The following HSPG2 variants were observed in gnomAD, a reference collection of about 807,000 sequenced individuals.
The protein encoded by HSPG2 is basement membrane-specific heparan sulfate proteoglycan core protein.
In HSPG2, 278 loss-of-function variants were observed where a neutral mutation model predicts 526.6. The observed-to-expected ratio is 0.53, with a 90% CI of 0.48 to 0.58. The LOEUF is 0.58. HSPG2 is among the 20% of genes least tolerant of loss of function. HSPG2 has a pLI of 0.00. For synonymous variants in HSPG2, 2,465 were observed against 2,555.4 expected (o/e 0.96, Z 1.07); for missense variants, 5,354 against 6,099.5 (o/e 0.88, Z 4.07).
At chr1:21,838,750 G>C in intron 74 of HSPG2, 75 bp downstream of exon 74, 10 of 1,512,398 alleles carry the variant, frequency 6.6e-6, no homozygotes, top group Non-Finnish European at 8.2e-6. Context: ...CTTCCCACCC[G>C]AGTCTGCCTA....
intron 6 of HSPG2, 133 bp downstream of exon 6, chr1:21,889,848 G>T: frequency 1.1e-6 from 1 of 902,338 alleles, no homozygotes; most frequent in Non-Finnish European, 1.9e-6. Context: ...AAGATCGATG[G>T]GGCAGACTCA....
intron 1 of HSPG2, among the ~76,000 whole-genome samples, chr1:21,911,214 C>A (rs1643653477): frequency 6.6e-6 from 1 of 152,216 alleles, no homozygotes; most frequent in South Asian, 2.1e-4. Flanking sequence ...CCACACTAGC[C>A]CCAGCCCCTC....
chr1:21,824,891 G>A lies in HSPG2; in HGVS notation c.12590-112C>T. ...AACATGCAGGACTAGGGGGCTCCGA[G>A]CCTGCAGTCCCTGGGGACCCACGGG... On this transcript the variant is annotated intron_variant, in intron 91 of 96. Transcript: ENST00000374695. The surrounding 1 kb of genome is among the most constrained non-coding windows in gnomAD (Gnocchi z 5.9). 1.0e-6 allele frequency: 1 copy of A among 1,000,622 alleles called. No homozygotes were observed. The highest frequency in any genetic ancestry group is 1.5e-6 in the Non-Finnish European group (1 of 647,714). The allele number at this position is 1,000,622 out of a possible 1,614,324, so 62.0% of individuals were successfully genotyped here.
At position 21,865,894 on chromosome 1, in the gene HSPG2, G is replaced by A. The variant is rs890762751; in HGVS notation, c.4222-85C>T. On this transcript the variant is annotated intron_variant, in intron 33 of 96. Coordinates refer to ENST00000374695, the MANE Select transcript of HSPG2 (RefSeq NM_005529.7). This position sits in a 1 kb window ranked among gnomAD's most constrained non-coding sequence, Gnocchi z 5.4. ...ATAGGTGAGGGATGGAGCATCTGGC[G>A]GCCTTTTTGCACCTGTGCCACACTC... The A allele has an allele frequency of 2.1e-5, 23 of 1,086,130 alleles. No individual in the cohort carries two copies. In the Admixed American group the frequency reaches 2.4e-4, roughly 11 times the overall value. 67.3% of individuals were successfully genotyped at this position (1,086,130 alleles called of 1,614,324 possible). A position where few individuals can be genotyped will look rare whatever the true frequency, so the allele number is the denominator to read the frequency against.
Position 21,847,388 on chromosome 1 carries a change from G to T in HSPG2, c.8130C>A (p.Val2710=). 1 of 1,614,004 alleles carries T rather than the reference G, an allele frequency of 6.2e-7. No individual in the cohort carries two copies. Among genetic ancestry groups the T allele is most frequent in the Non-Finnish European group, 8.5e-7 (1 of 1,180,038 alleles). ...NNIDALEASI[V]ISVSPSAGSP... is the part of the protein sequence containing the mutation. ...TGCCGGCGCTAGGGGAGACGGAGATGACGATGGAGGCCTCCAGGGCATCGA... is the reference window on the plus strand; with the variant it reads ...TGCCGGCGCTAGGGGAGACGGAGATTACGATGGAGGCCTCCAGGGCATCGA... The change falls in exon 62 of 97, where the codon GTC becomes GTA. Residue 2710 remains valine, a synonymous_variant. Transcript: ENST00000374695. The surrounding 1 kb of genome is among the most constrained non-coding windows in gnomAD (Gnocchi z 4.1).
rs1250369492 is a variant in HSPG2, at chr1:21,859,552, G to C, written c.5293+14C>G. The C allele has an allele frequency of 6.4e-7, 1 of 1,560,184 alleles. No homozygotes were observed. Among genetic ancestry groups the C allele is most frequent in the Non-Finnish European group, 8.7e-7 (1 of 1,146,738 alleles). On this transcript the variant is annotated intron_variant, in intron 42 of 96. Coordinates refer to ENST00000374695, the MANE Select transcript of HSPG2 (RefSeq NM_005529.7). The surrounding 1 kb of genome is among the most constrained non-coding windows in gnomAD (Gnocchi z 5.3). ...GGACAGGCAGTCTTGGTTACAGGGG[G>C]CGTAGGGACTCACCAGTGACCAGCA...
rs777649941 is a variant in HSPG2 at position 21,846,446 on chromosome 1, A to G, written c.8316+2T>C. 1 of 1,613,382 alleles carries G rather than the reference A, an allele frequency of 6.2e-7. No individual in the cohort carries two copies. Among genetic ancestry groups the G allele is most frequent in the South Asian group, 1.1e-5 (1 of 91,070 alleles). On this transcript the variant is annotated splice_donor_variant, in intron 63 of 96. Coordinates refer to ENST00000374695, the MANE Select transcript of HSPG2 (RefSeq NM_005529.7). LOFTEE classifies it high-confidence loss of function. Reference sequence around the variant, plus strand: ...TCCCACCATTTCCTGCCAGCTGCATACCTGATGGTGACTGGGGAGGCTGCC... The same window carrying G: ...TCCCACCATTTCCTGCCAGCTGCATGCCTGATGGTGACTGGGGAGGCTGCC...
intron 76 of HSPG2, chr1:21,835,267 G>T (rs966480757): frequency 1.7e-6 from 1 of 597,038 alleles, no homozygotes. Flanking sequence ...GGGACTACAG[G>T]TGCGTTCCAC....
intron 33 of HSPG2, among the ~76,000 whole-genome samples, chr1:21,867,099 T>C (rs1046338180): frequency 1.5e-5 from 2 of 134,962 alleles, no homozygotes; most frequent in African/African-American, 5.6e-5. Flanking sequence ...AGAGATGGGG[T>C]CGCCCTATGT....
chr1:21,829,543 G>C lies in HSPG2; in HGVS notation c.11832C>G (p.Leu3944=). Reference sequence around the variant, plus strand: ...GGCGTAGCTCGTGGTGTGTGTTGGTGAGGGCGGGCAGTGCCAGGTAGGAGC... The same window carrying C: ...GGCGTAGCTCGTGGTGTGTGTTGGTCAGGGCGGGCAGTGCCAGGTAGGAGC... ...GAGSYLALPA[L]TNTHHELRLD... Residue 3944 remains leucine, a synonymous_variant, in exon 87 of 97, where the codon CTC becomes CTG. Coordinates refer to ENST00000374695, the MANE Select transcript of HSPG2 (RefSeq NM_005529.7). 6.2e-7 allele frequency: 1 copy of C among 1,612,794 alleles called. No individual in the cohort carries two copies. The highest frequency in any genetic ancestry group is 1.1e-5 in the South Asian group (1 of 91,070).
In HSPG2 at chr1:21,860,013, G is replaced by A. The variant is rs1235806996; in HGVS notation, c.5015-11C>T. On this transcript the variant is annotated splice_polypyrimidine_tract_variant and intron_variant, in intron 40 of 96. Coordinates refer to ENST00000374695, the MANE Select transcript of HSPG2 (RefSeq NM_005529.7). ...GTGGGGCTTGGTTTGCTGGGGGTGG[G>A]GGCCGGGACAGGAAGGGCCTTTCAG... 3 of 1,609,518 alleles carry A rather than the reference G, an allele frequency of 1.9e-6. No individual in the cohort carries two copies. Among genetic ancestry groups the A allele is most frequent in the East Asian group, 2.2e-5 (1 of 44,816 alleles).
Position 21,847,370 on chromosome 1 carries a change from G to A in HSPG2, c.8148C>T (p.Ser2716=), listed in dbSNP as rs746200011. 17 of 1,613,872 alleles carry A rather than the reference G, an allele frequency of 1.1e-5. No homozygotes were observed. The African/African-American group carries it at 1.2e-4, about 11-fold the overall frequency. ...EASIVISVSP[S]AGSPSAPGSS... is the part of the protein sequence containing the mutation. ...CAGACTCACCGGAGGGGCTGCCGGC[G>A]CTAGGGGAGACGGAGATGACGATGG... The change falls in exon 62 of 97, where the codon AGC becomes AGT. Residue 2716 remains serine, a synonymous_variant. Transcript: ENST00000374695. This position sits in a 1 kb window ranked among gnomAD's most constrained non-coding sequence, Gnocchi z 4.1.
intron 33 of HSPG2, among the ~76,000 whole-genome samples, chr1:21,869,191 T>C (rs980519030): frequency 6.6e-6 from 1 of 152,198 alleles, no homozygotes; most frequent in Non-Finnish European, 1.5e-5. Flanking sequence ...TCTCTGGGCG[T>C]GGCCTGGGTC....
At position 21,890,327 on chromosome 1, in the gene HSPG2, T is replaced by C; in HGVS notation, c.413+100A>G. On this transcript the variant is annotated intron_variant, in intron 5 of 96. Coordinates refer to ENST00000374695, the MANE Select transcript of HSPG2 (RefSeq NM_005529.7). This position sits in a 1 kb window ranked among gnomAD's most constrained non-coding sequence, Gnocchi z 4.1. ...TTTCCACCCACAGCGACTCATCCCA[T>C]AGGCCTTTCCGCGGTGCCAGGCTTC... 6 of 1,329,888 alleles carry C rather than the reference T, an allele frequency of 4.5e-6. No individual in the cohort carries two copies. Among genetic ancestry groups the C allele is most frequent in the South Asian group, 1.2e-5 (1 of 85,366 alleles). The allele number at this position is 1,329,888 out of a possible 1,614,324, so 82.4% of individuals were successfully genotyped here. A position where few individuals can be genotyped will look rare whatever the true frequency, so the allele number is the denominator to read the frequency against.
In HSPG2 at chr1:21,839,300, G is replaced by A; in HGVS notation, c.9889+71C>T. 6.4e-7 allele frequency: 1 copy of A among 1,559,818 alleles called. No homozygotes were observed. Among genetic ancestry groups the A allele is most frequent in the South Asian group, 1.1e-5 (1 of 89,690 alleles). The stretch of plus-strand genomic sequence containing the variant: ...CTCTGGATGGGGTTCCTGGGGTTCT[G>A]TGTGGGGTGGAGCCTAGTCGGGGGG... On this transcript the variant is annotated intron_variant, in intron 73 of 96. Transcript: ENST00000374695. The surrounding 1 kb of genome is among the most constrained non-coding windows in gnomAD (Gnocchi z 4.5).
chr1:21,828,094 C>A lies in HSPG2; in HGVS notation c.12468G>T (p.Gly4156=), dbSNP rs763975847. 1 of 1,613,150 alleles carries A rather than the reference C, an allele frequency of 6.2e-7. No individual in the cohort carries two copies. Among genetic ancestry groups the A allele is most frequent in the South Asian group, 1.1e-5 (1 of 91,066 alleles). Residue 4156 remains glycine, a synonymous_variant, in exon 90 of 97, where the codon GGG becomes GGT. Transcript: ENST00000374695. This position sits in a 1 kb window ranked among gnomAD's most constrained non-coding sequence, Gnocchi z 6.0. ...PCQLREPCLH[G]GTCQGTRCLC... The stretch of plus-strand genomic sequence containing the variant: ...GGCAGCGGGTGCCCTGGCAGGTGCC[C>A]CCATGCAGACAGGGTTCACGGAGCT...
chr1:21,839,969 G>T lies in HSPG2; in HGVS notation c.9562C>A (p.Gln3188Lys), dbSNP rs1360878893. The T allele has an allele frequency of 6.2e-7, 1 of 1,614,040 alleles. No individual in the cohort carries two copies. The highest frequency in any genetic ancestry group is 8.5e-7 in the Non-Finnish European group (1 of 1,180,042). The change falls in exon 72 of 97, where the codon CAG becomes AAG. Residue 3188 changes from glutamine (Q) to lysine (K), a missense_variant. Gln to Lys is a moderately conservative substitution (Grantham distance 53). Transcript: ENST00000374695. The surrounding 1 kb of genome is among the most constrained non-coding windows in gnomAD (Gnocchi z 4.5). ...TTCTGTGCTGTGCCTAGTGCATTCT[G>T]AGCAAGGCACACATAAGTGCCCGCA... ...SDAGTYVCLAQNALGTAQKQV... is the reference protein window; with the variant it reads ...SDAGTYVCLAKNALGTAQKQV...
chr1:21,839,243 G>A lies in HSPG2; in HGVS notation c.9889+128C>T. 1 of 1,431,862 alleles carries A rather than the reference G, an allele frequency of 7.0e-7. No homozygotes were observed. The highest frequency in any genetic ancestry group is 9.7e-7 in the Non-Finnish European group (1 of 1,034,956). 88.7% of individuals were successfully genotyped at this position (1,431,862 alleles called of 1,614,324 possible). ...GGCCAGGGTGTGGGTGTCGGGCAGG[G>A]CAGGCTCCAGGACCCTGCAGCGCCT... On this transcript the variant is annotated intron_variant, in intron 73 of 96. Coordinates refer to ENST00000374695, the MANE Select transcript of HSPG2 (RefSeq NM_005529.7). The surrounding 1 kb of genome is among the most constrained non-coding windows in gnomAD (Gnocchi z 4.5).
rs957262852 is a variant in HSPG2, at chr1:21,912,857, A to G, written c.64-16547T>C. On this transcript the variant is annotated intron_variant, in intron 1 of 96. Coordinates refer to ENST00000374695, the MANE Select transcript of HSPG2 (RefSeq NM_005529.7). ...TAGCACAGCATGGTGGCATGTGCCT[A>G]TAATCTCAGCTACCTGGGGAGCTGA... Among the ~76,000 whole-genome samples the G allele has an allele frequency of 3.9e-5, 6 of 152,138 alleles. No individual in the cohort carries two copies. The East Asian group carries it at 7.7e-4, about 20-fold the overall frequency.
Sources: allele counts gnomAD v4.1 joint callset (sites outside exome capture counted in the v4.1 genomes callset), GRCh38; gene constraint gnomAD v4.1.1; non-coding constraint Gnocchi (gnomAD v3.1); transcripts MANE v1.5; gene names NCBI Gene and HGNC (gene_info 2026-07-23, HGNC 2026-07-21).